DPYD: variants seen among roughly 807,000 people sequenced by gnomAD.
DPYD encodes the protein dihydropyrimidine dehydrogenase.
DPYD carries 109 observed loss-of-function variants against 116.2 expected under a neutral mutation model. The observed-to-expected ratio is 0.94, with a 90% CI of 0.80 to 1.10. The LOEUF (loss-of-function observed/expected upper bound fraction) is 1.10, where lower values mean the gene tolerates loss of function less well. DPYD is among the 50% of genes least tolerant of loss of function. The pLI is 0.00. For missense variants in DPYD, 1,302 were observed against 1,254.5 expected, an observed-to-expected ratio of 1.04 and a Z score of -0.57; for synonymous variants, 440 against 432.0, an observed-to-expected ratio of 1.02 and a Z score of -0.23.
intron 20 of DPYD, among the ~76,000 whole-genome samples, chr1:97,173,820 T>C (rs1359366871): frequency 1.4e-5 from 2 of 145,468 alleles, no homozygotes; most frequent in Non-Finnish European, 3.0e-5. Context: ...GTCACAATTT[T>C]CTAGGAGAGG....
intron 13 of DPYD, among the ~76,000 whole-genome samples, chr1:97,487,200 C>A (rs1167260250): frequency 6.6e-6 from 1 of 151,414 alleles, no homozygotes; most frequent in East Asian, 1.9e-4. Context: ...GAATTATACA[C>A]CAGTGGAAAC....
At chr1:97,453,094 CT>C (rs1219495022) in intron 13 of DPYD, among the ~76,000 whole-genome samples, 8 of 152,038 alleles carry the variant, frequency 5.3e-5, no homozygotes, top group Non-Finnish European at 1.2e-4. Context: ...GAACCAAATG[CT>C]GTGATACAAA....
intron 7 of DPYD, 188 bp downstream of exon 7, chr1:97,691,529 C>T: frequency 1.8e-6 from 1 of 548,614 alleles, no homozygotes. Flanking sequence ...TTGCCCTTTT[C>T]CAGGCTAGTG....
chr1:97,482,138 G>C (rs1678354902), intron 13 of DPYD, among the ~76,000 whole-genome samples: 2 of 152,112 alleles, frequency 1.3e-5, no homozygotes, highest in South Asian at 4.1e-4. Context: ...TATTGAAAGA[G>C]GAGTCTAAGG....
At chr1:97,682,931 C>T (rs1660504056) in intron 7 of DPYD, among the ~76,000 whole-genome samples, 1 of 151,904 alleles carries the variant, frequency 6.6e-6, no homozygotes, top group Non-Finnish European at 1.5e-5. Flanking sequence ...TGTCATATAC[C>T]CTGAGCCAAA....
intron 18 of DPYD, among the ~76,000 whole-genome samples, chr1:97,251,389 TC>T (rs1570760352): frequency 1.5e-5 from 1 of 67,266 alleles, no homozygotes; most frequent in South Asian, 6.8e-4. Flanking sequence ...TGAAACTCTG[TC>T]TAAAAAAAAA....
intron 14 of DPYD, chr1:97,394,542 A>C (rs906810658): frequency 1.3e-5 from 2 of 152,072 alleles, no homozygotes; most frequent in African/African-American, 2.4e-5. Flanking sequence ...ATAATATCAA[A>C]GATCACTAAT....
At chr1:97,656,130 C>A (rs1478172139) in intron 8 of DPYD, among the ~76,000 whole-genome samples, 1 of 152,158 alleles carries the variant, frequency 6.6e-6, no homozygotes, top group African/African-American at 2.4e-5. Context: ...TAATTCACAA[C>A]AACACATCTT....
At chr1:97,831,201 A>G (rs1005514090) in intron 2 of DPYD, among the ~76,000 whole-genome samples, 4 of 152,254 alleles carry the variant, frequency 2.6e-5, no homozygotes, top group Admixed American at 6.5e-5. Context: ...GATTTGAATT[A>G]TATTTCAGAC....
intron 20 of DPYD, among the ~76,000 whole-genome samples, chr1:97,141,905 A>G (rs1378692511): frequency 6.6e-6 from 1 of 152,112 alleles, no homozygotes; most frequent in Non-Finnish European, 1.5e-5. Flanking sequence ...TTTGCCAAGT[A>G]GCCGCAGTAC....
intron 8 of DPYD, among the ~76,000 whole-genome samples, chr1:97,661,980 T>C (rs1659286061): frequency 6.7e-6 from 1 of 150,322 alleles, no homozygotes; most frequent in Non-Finnish European, 1.5e-5. Context: ...ATTTAGTATT[T>C]CCAAGTCAAC....
intron 3 of DPYD, among the ~76,000 whole-genome samples, chr1:97,812,665 C>T (rs1668395273): frequency 6.6e-6 from 1 of 151,938 alleles, no homozygotes; most frequent in African/African-American, 2.4e-5. Flanking sequence ...TTAAAAAATA[C>T]TCTATTTCTG....
intron 2 of DPYD, among the ~76,000 whole-genome samples, chr1:97,875,711 A>G (rs1282671099): frequency 6.6e-6 from 1 of 151,854 alleles, no homozygotes; most frequent in Non-Finnish European, 1.5e-5. Flanking sequence ...TTAAGCTCGC[A>G]TTTTCTTTAA....
intron 12 of DPYD, among the ~76,000 whole-genome samples, chr1:97,540,075 A>C (rs1650311653): frequency 6.6e-6 from 1 of 152,102 alleles, no homozygotes; most frequent in African/African-American, 2.4e-5. Flanking sequence ...CAAGCAATCA[A>C]TTCTGTAGTG....
At chr1:97,426,237 G>A (rs1005507460) in intron 14 of DPYD, among the ~76,000 whole-genome samples, 4 of 151,948 alleles carry the variant, frequency 2.6e-5, no homozygotes, top group African/African-American at 9.7e-5. Flanking sequence ...TCAGATGACA[G>A]GAACACAGCT....
At chr1:97,536,462 C>T (rs898418614) in intron 12 of DPYD, among the ~76,000 whole-genome samples, 6 of 152,162 alleles carry the variant, frequency 3.9e-5, no homozygotes, top group Admixed American at 2.0e-4. Flanking sequence ...CAAAAGCCTA[C>T]CTCTTCTCAG....
chr1:97,127,566 C>T (rs995096758), intron 20 of DPYD, among the ~76,000 whole-genome samples: 3 of 152,132 alleles, frequency 2.0e-5, no homozygotes, highest in African/African-American at 7.2e-5. Flanking sequence ...GAAATTCCAA[C>T]TTGAAGGTTG....
intron 3 of DPYD, among the ~76,000 whole-genome samples, chr1:97,746,265 A>G (rs1234317616): frequency 1.3e-5 from 2 of 152,116 alleles, no homozygotes; most frequent in Non-Finnish European, 2.9e-5. Flanking sequence ...ATTATTAGGA[A>G]GCTAGTTTTA....
intron 5 of DPYD, among the ~76,000 whole-genome samples, chr1:97,716,580 C>A (rs777175370): frequency 2.7e-4 from 41 of 152,084 alleles, no homozygotes; most frequent in Non-Finnish European, 3.8e-4. Context: ...AACTGGCTTT[C>A]TGTAGAGAAT....
Sources: gnomAD v4.1 joint callset for allele counts (sites outside exome capture counted in the v4.1 genomes callset) on GRCh38, gnomAD v4.1.1 for gene constraint, MANE v1.5 for transcripts, NCBI Gene and HGNC (gene_info 2026-07-23, HGNC 2026-07-21) for gene names.